The following PRORP variants were observed in gnomAD, a reference collection of about 807,000 sequenced individuals.
PRORP encodes the protein protein only RNase P catalytic subunit, also known as mitochondrial ribonuclease P catalytic subunit.
PRORP carries 51 observed loss-of-function variants against 59.4 expected under a neutral mutation model. The ratio of observed to expected loss-of-function variants is 0.86; its 90% CI spans 0.69 to 1.08. The LOEUF is 1.08. Ranked by LOEUF, PRORP falls within the 50% of genes least tolerant of loss-of-function variation. The probability of loss-of-function intolerance (pLI) is 0.00; values close to 1 mark genes in which losing one functional copy is unlikely to be tolerated. For synonymous variants in PRORP, 231 were observed against 245.6 expected, an observed-to-expected ratio of 0.94 and a Z score of 0.55; for missense variants, 646 against 690.3, an observed-to-expected ratio of 0.94 and a Z score of 0.72.
chr14:35,194,480 C>G (rs2048960439), intron 5 of PRORP, among the ~76,000 whole-genome samples: 1 of 152,038 alleles, frequency 6.6e-6, no homozygotes, highest in African/African-American at 2.4e-5. Flanking sequence ...ACAAGATGAA[C>G]AGTGAGAACA....
At chr14:35,235,969 A>G (rs558286705) in intron 5 of PRORP, among the ~76,000 whole-genome samples, 5 of 152,012 alleles carry the variant, frequency 3.3e-5, no homozygotes, top group Non-Finnish European at 7.4e-5. Flanking sequence ...AGTGATACAC[A>G]CATATAGTCC....
chr14:35,146,921 ATC>A (rs1159339871), intron 4 of PRORP, among the ~76,000 whole-genome samples: 2 of 152,110 alleles, frequency 1.3e-5, no homozygotes, highest in African/African-American at 4.8e-5. Context: ...GTGAGATCCC[ATC>A]TCTACAAAAA....
chr14:35,244,822 C>G (rs993781021), intron 5 of PRORP, among the ~76,000 whole-genome samples: 1 of 152,188 alleles, frequency 6.6e-6, no homozygotes, highest in African/African-American at 2.4e-5. Flanking sequence ...ACTCTCCACC[C>G]CAGTCAGGTA....
intron 5 of PRORP, among the ~76,000 whole-genome samples, chr14:35,225,001 CCTG>C (rs1233847926): frequency 3.9e-5 from 6 of 152,142 alleles, no homozygotes; most frequent in Admixed American, 1.3e-4. Flanking sequence ...ATAGTTCTGA[CCTG>C]CTAATTATTT....
chr14:35,214,928 G>A (rs1490423960), intron 5 of PRORP, among the ~76,000 whole-genome samples: 3 of 152,138 alleles, frequency 2.0e-5, no homozygotes, highest in Non-Finnish European at 2.9e-5. Context: ...AAAGGTGGGT[G>A]TCTTGAGTGC....
Position 35,272,842 on chromosome 14 carries a change from C to T in PRORP, c.1621-593C>T, listed in dbSNP as rs118045193. 1.6e-3 allele frequency among the ~76,000 whole-genome samples: 249 copies of T among 152,302 alleles called. 6 individuals are homozygous for T. In the East Asian group the frequency reaches 0.044, roughly 27 times the overall value. On this transcript the variant is annotated intron_variant, in intron 7 of 7. Transcript: ENST00000534898. ...TACTAAAATCCTCAAATGCTCAAGT[C>T]CCTTATATAAAATGGCATAGTATTT...
At chr14:35,176,910 C>T (rs537133413) in intron 4 of PRORP, among the ~76,000 whole-genome samples, 72 of 152,204 alleles carry the variant, frequency 4.7e-4, no homozygotes, top group African/African-American at 1.6e-3. Context: ...TTTTGAGATA[C>T]GTCCCATCAA....
chr14:35,172,241 G>A (rs2048327847), intron 4 of PRORP, among the ~76,000 whole-genome samples: 1 of 151,570 alleles, frequency 6.6e-6, no homozygotes, highest in South Asian at 2.1e-4. Context: ...TAGAGACGGG[G>A]TTTCACTTTA....
At chr14:35,270,689 T>G in intron 7 of PRORP, 93 bp downstream of exon 7, 1 of 1,141,802 alleles carries the variant, frequency 8.8e-7, no homozygotes, top group Non-Finnish European at 1.3e-6. Flanking sequence ...AATTGAAGGT[T>G]GCAAATGCTT....
At position 35,234,433 on chromosome 14, in the gene PRORP, T is replaced by C. The variant is rs115017046; in HGVS notation, c.1276-32294T>C. On this transcript the variant is annotated intron_variant, in intron 5 of 7. Transcript: ENST00000534898. ...TCTTTAAGATAGCTTTGTTTGTCCT[T>C]TGATCTTTTCTGTCCATGTTCAGCC... Among the ~76,000 whole-genome samples the C allele has an allele frequency of 9.3e-3, 1,413 of 152,318 alleles. 20 individuals are homozygous for C. The highest frequency in any genetic ancestry group is 0.032 in the African/African-American group (1,318 of 41,566).
At chr14:35,189,368 C>T (rs2048826009) in intron 5 of PRORP, among the ~76,000 whole-genome samples, 1 of 151,656 alleles carries the variant, frequency 6.6e-6, no homozygotes, top group South Asian at 2.1e-4. Context: ...CCATGGTGCC[C>T]AGCCTGCATA....
chr14:35,270,744 TAGAA>T, intron 7 of PRORP, 148 bp downstream of exon 7: 2 of 749,456 alleles, frequency 2.7e-6, no homozygotes, highest in Non-Finnish European at 4.2e-6. Flanking sequence ...AGCCAGGTCC[TAGAA>T]AGAGTCTGCT....
At chr14:35,235,551 T>G in intron 5 of PRORP, 1 of 563,480 alleles carries the variant, frequency 1.8e-6, no homozygotes, top group Admixed American at 2.3e-5. Flanking sequence ...GTGGTGATGG[T>G]GTTAACTCCT....
At chr14:35,186,660 A>G (rs2048750943) in intron 5 of PRORP, among the ~76,000 whole-genome samples, 1 of 150,556 alleles carries the variant, frequency 6.6e-6, no homozygotes, top group South Asian at 2.1e-4. Flanking sequence ...GGGTGCAGTC[A>G]TATCTCACTG....
chr14:35,200,790 C>T (rs772475616), intron 5 of PRORP, among the ~76,000 whole-genome samples: 15 of 151,940 alleles, frequency 9.9e-5, no homozygotes, highest in Non-Finnish European at 2.1e-4. Context: ...CCAGTTTTTT[C>T]TATCACTAAG....
chr14:35,123,505 C>G lies in PRORP; in HGVS notation c.260C>G (p.Ala87Gly), dbSNP rs1250963328. 11 of 1,613,936 alleles carry G rather than the reference C, an allele frequency of 6.8e-6. No homozygotes were observed. Among genetic ancestry groups the G allele is most frequent in the Non-Finnish European group, 9.3e-6 (11 of 1,179,984 alleles). ...TATTCTGTTCCTCATTTTTTTTTAG[C>G]TGGAGCAGCTAAGGAGAGATCACAG... ...QVYSVPHFFL[A>G]GAAKERSQMN... The change falls in exon 2 of 8, where the codon GCT (alanine) becomes GGT (glycine). Residue 87 changes from alanine (A) to glycine (G), a missense_variant. Coordinates refer to ENST00000534898, the MANE Select transcript of PRORP (RefSeq NM_014672.4).
chr14:35,151,639 TACACAC>T (rs55940352), intron 4 of PRORP, among the ~76,000 whole-genome samples: 26,811 of 141,708 alleles, frequency 0.19, 2,939 homozygotes, highest in Non-Finnish European at 0.27. Context: ...CACACACACA[TACACAC>T]ACACACACAC....
At chr14:35,263,171 G>C in intron 5 of PRORP, 2 of 664,902 alleles carry the variant, frequency 3.0e-6, no homozygotes, top group Non-Finnish European at 5.0e-6. Flanking sequence ...CAGAAAGACT[G>C]GTAAATAGAC....
intron 4 of PRORP, among the ~76,000 whole-genome samples, chr14:35,155,891 A>G (rs769859645): frequency 1.3e-5 from 2 of 152,208 alleles, no homozygotes; most frequent in African/African-American, 2.4e-5. Flanking sequence ...GAAACGCACA[A>G]GATAAAATTT....
Sources: allele counts gnomAD v4.1 joint callset (sites outside exome capture counted in the v4.1 genomes callset), GRCh38; gene constraint gnomAD v4.1.1; transcripts MANE v1.5; gene names NCBI Gene and HGNC (gene_info 2026-07-23, HGNC 2026-07-21).